Variants in DOCK3 observed in about 807,000 individuals in gnomAD.
DOCK3 encodes the protein dedicator of cytokinesis protein 3.
A neutral mutation model predicts 265.6 loss-of-function variants in DOCK3; 60 were observed. That is an observed-to-expected ratio of 0.23 (90% CI 0.18 to 0.28). The LOEUF (loss-of-function observed/expected upper bound fraction) is 0.28. Ranked by LOEUF, DOCK3 falls within the 10% of genes least tolerant of loss-of-function variation. DOCK3 has a pLI of 1.00. For missense variants in DOCK3, 1,981 were observed against 2,594.3 expected (o/e 0.76, Z 5.14); for synonymous variants, 881 against 938.0 (o/e 0.94, Z 1.11).
At chr3:50,931,063 G>A (rs955065352) in intron 4 of DOCK3, among the ~76,000 whole-genome samples, 15 of 152,156 alleles carry the variant, frequency 9.9e-5, no homozygotes, top group African/African-American at 3.1e-4. Flanking sequence ...TGGAGGTAGG[G>A]CACGGGAGAC....
intron 32 of DOCK3, among the ~76,000 whole-genome samples, chr3:51,324,579 A>G (rs756307001): frequency 2.6e-5 from 4 of 152,230 alleles, no homozygotes; most frequent in Non-Finnish European, 4.4e-5. Flanking sequence ...TAAATTTCAT[A>G]TGGAACCAAA....
chr3:51,060,041 G>C (rs897958263), intron 5 of DOCK3, among the ~76,000 whole-genome samples: 1 of 152,076 alleles, frequency 6.6e-6, no homozygotes, highest in African/African-American at 2.4e-5. Flanking sequence ...CTTCAGAAGA[G>C]TTGTCTGTGC....
intron 5 of DOCK3, among the ~76,000 whole-genome samples, chr3:51,020,674 A>C (rs1207447342): frequency 6.6e-6 from 1 of 151,934 alleles, no homozygotes; most frequent in East Asian, 1.9e-4. Context: ...ATCTAGTTTC[A>C]ATTTTCTGCA....
At chr3:51,224,090 T>C (rs2090217428) in intron 14 of DOCK3, among the ~76,000 whole-genome samples, 1 of 152,222 alleles carries the variant, frequency 6.6e-6, no homozygotes, top group Admixed American at 6.5e-5. Context: ...TTTGGTATGA[T>C]TTTCAAAACA....
chr3:51,322,223 G>C (rs1323297262), intron 32 of DOCK3, among the ~76,000 whole-genome samples: 2 of 152,164 alleles, frequency 1.3e-5, no homozygotes, highest in African/African-American at 2.4e-5. Flanking sequence ...TTTGTTTTGA[G>C]ATGGAGTCTT....
chr3:51,076,714 G>A (rs2082069458), intron 7 of DOCK3, among the ~76,000 whole-genome samples: 1 of 152,182 alleles, frequency 6.6e-6, no homozygotes, highest in Non-Finnish European at 1.5e-5. Context: ...CCATACGTGT[G>A]CTGCATATAT....
At chr3:51,102,748 G>T (rs2083136579) in intron 9 of DOCK3, among the ~76,000 whole-genome samples, 1 of 152,026 alleles carries the variant, frequency 6.6e-6, no homozygotes, top group Admixed American at 6.5e-5. Flanking sequence ...AAGGTTAAAT[G>T]GTATGAGAGA....
At chr3:50,916,543 C>G (rs1330118674) in intron 4 of DOCK3, among the ~76,000 whole-genome samples, 3 of 152,110 alleles carry the variant, frequency 2.0e-5, no homozygotes, top group Non-Finnish European at 4.4e-5. Flanking sequence ...CTTGGCCAGG[C>G]ACGGTGGCTC....
chr3:50,988,619 C>T (rs2077991067), intron 5 of DOCK3, among the ~76,000 whole-genome samples: 2 of 152,174 alleles, frequency 1.3e-5, no homozygotes, highest in Non-Finnish European at 2.9e-5. Flanking sequence ...CTCCAGCCAC[C>T]TACAGGTGCC....
intron 3 of DOCK3, among the ~76,000 whole-genome samples, chr3:50,870,060 G>A (rs2047362453): frequency 6.6e-6 from 1 of 152,104 alleles, no homozygotes; most frequent in Non-Finnish European, 1.5e-5. Context: ...AATGATCCAT[G>A]TGCTGAGGAA....
At chr3:51,290,450 C>G (rs2081670340) in intron 27 of DOCK3, among the ~76,000 whole-genome samples, 1 of 152,064 alleles carries the variant, frequency 6.6e-6, no homozygotes, top group Non-Finnish European at 1.5e-5. Context: ...AATCCAAACA[C>G]CACATGTTCT....
chr3:51,215,325 C>G (rs980970385), intron 14 of DOCK3, among the ~76,000 whole-genome samples: 2 of 152,122 alleles, frequency 1.3e-5, no homozygotes, highest in African/African-American at 4.8e-5. Context: ...AGACTGGTCT[C>G]GAACTCCTGA....
intron 4 of DOCK3, among the ~76,000 whole-genome samples, chr3:50,922,350 T>C (rs758316191): frequency 2.8e-4 from 42 of 152,010 alleles, no homozygotes; most frequent in Non-Finnish European, 1.0e-4. Flanking sequence ...TAGGACCCCC[T>C]GAGCCAGGCA....
Position 50,890,062 on chromosome 3 carries a change from G to T in DOCK3, c.199G>T (p.Ala67Ser). The T allele has an allele frequency of 7.0e-7, 1 of 1,426,490 alleles. No individual in the cohort carries two copies. 88.4% of individuals were successfully genotyped at this position (1,426,490 alleles called of 1,614,324 possible). A position where few individuals can be genotyped will look rare whatever the true frequency, so the allele number is the denominator to read the frequency against. The part of the protein sequence containing the change: ...FPANYIHLKK[A>S]IVSNRGQYET... ...TGCAAATTACATTCACTTGAAAAAG[G>T]CAATTGTCAGTAATAGGGGGTGAGT... The change falls in exon 4 of 53, where the codon GCA becomes TCA. Residue 67 changes from alanine (A) to serine (S), a missense_variant. Ala to Ser is a moderately conservative substitution (Grantham distance 99, BLOSUM62 1). Coordinates refer to ENST00000266037, the MANE Select transcript of DOCK3 (RefSeq NM_004947.5).
At chr3:51,157,027 T>C (rs147574238) in intron 10 of DOCK3, among the ~76,000 whole-genome samples, 148 of 152,356 alleles carry the variant, frequency 9.7e-4, no homozygotes, top group African/African-American at 3.4e-3. Context: ...AATATAGCAC[T>C]ATTTTAATAA....
chr3:51,316,882 G>A (rs558429522), intron 32 of DOCK3, among the ~76,000 whole-genome samples: 3 of 152,118 alleles, frequency 2.0e-5, no homozygotes, highest in Non-Finnish European at 4.4e-5. Flanking sequence ...ATGATTTACA[G>A]ATATTTTCTG....
chr3:51,064,668 T>A, intron 6 of DOCK3, 72 bp downstream of exon 6: 1 of 1,529,730 alleles, frequency 6.5e-7, no homozygotes. Context: ...AGTTTGCACC[T>A]ATACAAAGCT....
chr3:51,240,116 C>A (rs539872375), intron 21 of DOCK3, among the ~76,000 whole-genome samples: 4 of 152,246 alleles, frequency 2.6e-5, no homozygotes, highest in Admixed American at 2.6e-4. Context: ...AATGCCTTAC[C>A]TGTGTCCCAG....
intron 4 of DOCK3, among the ~76,000 whole-genome samples, chr3:50,894,215 A>G (rs972378880): frequency 6.6e-6 from 1 of 152,118 alleles, no homozygotes; most frequent in Non-Finnish European, 1.5e-5. Flanking sequence ...GAAAGCAGCA[A>G]GATGAAAAGG....
Sources: allele counts gnomAD v4.1 joint callset (sites outside exome capture counted in the v4.1 genomes callset), GRCh38; gene constraint gnomAD v4.1.1; transcripts MANE v1.5; gene names NCBI Gene and HGNC (gene_info 2026-07-23, HGNC 2026-07-21).